KLF12: variants seen among roughly 807,000 people sequenced by gnomAD.
The protein encoded by KLF12 is Krueppel-like factor 12.
Under a neutral mutation model 37.8 loss-of-function variants are expected in KLF12, and 9 were observed. That is an observed-to-expected ratio of 0.24 (90% CI 0.14 to 0.42). KLF12 has a LOEUF of 0.42. Among genes scored for constraint, KLF12 ranks in the 10% least tolerant of loss-of-function variants. KLF12 has a pLI of 1.00. For synonymous variants in KLF12, 208 were observed against 202.1 expected (o/e 1.03, Z -0.25); for missense variants, 411 against 516.0 (o/e 0.80, Z 1.97).
At chr13:74,285,180 A>ATT in the KLF12 span, among the ~76,000 whole-genome samples, 3 of 144,896 alleles carry the variant, frequency 2.1e-5, no homozygotes, top group African/African-American at 5.0e-5. Context: ...GCCCTACCTG[A>ATT]TTTTTTTTTT....
chr13:73,877,612 A>C (rs923571023), intron 3 of KLF12, among the ~76,000 whole-genome samples: 4 of 152,206 alleles, frequency 2.6e-5, no homozygotes, highest in Non-Finnish European at 5.9e-5. Flanking sequence ...GTTGGCTGTC[A>C]GTCTACTGGT....
Position 74,003,641 on chromosome 13 carries a change from G to A in KLF12, c.-31-8588C>T, listed in dbSNP as rs184719978. Among the ~76,000 whole-genome samples the A allele has an allele frequency of 2.4e-3, 360 of 152,176 alleles. 2 individuals carry two copies. Among genetic ancestry groups the A allele is most frequent in the Admixed American group, 3.9e-3 (59 of 15,282 alleles). On this transcript the variant is annotated intron_variant, in intron 1 of 7. Coordinates refer to ENST00000377669, the MANE Select transcript of KLF12 (RefSeq NM_007249.5). ...CTAAGAATTATGTCATGTTCCACAC[G>A]ATTCTTGATATTTCTGACACTGCTG...
chr13:74,214,372 G>T, the KLF12 span, among the ~76,000 whole-genome samples: 2 of 151,812 alleles, frequency 1.3e-5, no homozygotes, highest in Admixed American at 6.6e-5. Context: ...CCTCTGTTCT[G>T]GCTTCCTTAT....
intron 2 of KLF12, among the ~76,000 whole-genome samples, chr13:73,976,882 A>T (rs1891540969): frequency 6.6e-6 from 1 of 152,132 alleles, no homozygotes; most frequent in Non-Finnish European, 1.5e-5. Flanking sequence ...TTAGAAACAC[A>T]AGGAGAAAGT....
intron 4 of KLF12, among the ~76,000 whole-genome samples, chr13:73,820,975 G>A (rs948461826): frequency 1.3e-5 from 2 of 152,182 alleles, no homozygotes; most frequent in Non-Finnish European, 2.9e-5. Context: ...TTCAGCCATG[G>A]TCATTTACTT....
intron 6 of KLF12, among the ~76,000 whole-genome samples, chr13:73,743,979 A>G (rs934896395): frequency 6.6e-6 from 1 of 152,202 alleles, no homozygotes; most frequent in African/African-American, 2.4e-5. Flanking sequence ...AAGTTTTGAG[A>G]AGTACTTGCA....
At chr13:73,865,698 T>G (rs1247704212) in intron 3 of KLF12, among the ~76,000 whole-genome samples, 1 of 152,068 alleles carries the variant, frequency 6.6e-6, no homozygotes, top group Admixed American at 6.6e-5. Flanking sequence ...AATTAAAAAT[T>G]TTTAGAGTTA....
At chr13:73,943,824 G>T (rs567714837) in intron 3 of KLF12, among the ~76,000 whole-genome samples, 157 bp downstream of exon 3, 1 of 152,230 alleles carries the variant, frequency 6.6e-6, no homozygotes, top group Non-Finnish European at 1.5e-5. Flanking sequence ...AATGGGTACA[G>T]ATCAACCACA....
intron 6 of KLF12, among the ~76,000 whole-genome samples, chr13:73,750,686 A>C (rs532946749): frequency 6.6e-6 from 1 of 152,312 alleles, no homozygotes; most frequent in African/African-American, 2.4e-5. Context: ...GGTTTGTTAC[A>C]TAGGTAAATG....
chr13:73,740,987 C>G (rs1301725724), intron 6 of KLF12, among the ~76,000 whole-genome samples: 1 of 152,162 alleles, frequency 6.6e-6, no homozygotes, highest in Non-Finnish European at 1.5e-5. Context: ...AAAAGCAAAA[C>G]AGAAGACACA....
At chr13:74,202,028 G>C in the KLF12 span, among the ~76,000 whole-genome samples, 2 of 151,502 alleles carry the variant, frequency 1.3e-5, no homozygotes, top group Non-Finnish European at 2.9e-5. Flanking sequence ...TCTGGTGTTA[G>C]TGAGTTTTAT....
At chr13:74,057,120 G>T (rs989473765) in intron 1 of KLF12, among the ~76,000 whole-genome samples, 2 of 152,132 alleles carry the variant, frequency 1.3e-5, no homozygotes, top group African/African-American at 4.8e-5. Context: ...TAAAAAACAT[G>T]GTCTAATATT....
At chr13:74,031,809 T>A (rs1247358115) in intron 1 of KLF12, among the ~76,000 whole-genome samples, 1 of 5,496 alleles carries the variant, frequency 1.8e-4, no homozygotes, top group Admixed American at 1.0e-3. Flanking sequence ...TGAAAAAAAA[T>A]GTGCTTCTCA....
At chr13:74,163,120 T>C in the KLF12 span, among the ~76,000 whole-genome samples, 1 of 152,194 alleles carries the variant, frequency 6.6e-6, no homozygotes, top group Admixed American at 6.5e-5. Flanking sequence ...GTTACCCCTG[T>C]ACGCTGTTGG....
intron 7 of KLF12, among the ~76,000 whole-genome samples, chr13:73,705,460 G>A (rs1018279879): frequency 2.0e-5 from 3 of 152,144 alleles, no homozygotes; most frequent in Admixed American, 6.5e-5. Flanking sequence ...TTTTAGTAGA[G>A]ATGGGTTTTG....
chr13:73,708,398 A>T (rs1011968639), intron 7 of KLF12, among the ~76,000 whole-genome samples: 1 of 152,156 alleles, frequency 6.6e-6, no homozygotes, highest in East Asian at 1.9e-4. Context: ...TGCAAAAAAA[A>T]TTTGATTTTA....
At chr13:73,854,740 T>C (rs759069599) in intron 3 of KLF12, among the ~76,000 whole-genome samples, 23 of 152,200 alleles carry the variant, frequency 1.5e-4, no homozygotes, top group Non-Finnish European at 3.1e-4. Flanking sequence ...TACTTTAAAT[T>C]ATCTCCACAT....
At chr13:74,147,021 G>T in the KLF12 span, among the ~76,000 whole-genome samples, 10 of 152,328 alleles carry the variant, frequency 6.6e-5, no homozygotes, top group South Asian at 2.1e-3. Context: ...GCCCGTGCAT[G>T]TCAGGTTTGG....
intron 3 of KLF12, among the ~76,000 whole-genome samples, chr13:73,888,195 G>C (rs1887328720): frequency 6.6e-6 from 1 of 151,982 alleles, no homozygotes. Flanking sequence ...GCAGAGACAG[G>C]GTTTCGCCAT....
Sources: gnomAD v4.1 joint callset for allele counts (sites outside exome capture counted in the v4.1 genomes callset) on GRCh38, gnomAD v4.1.1 for gene constraint, MANE v1.5 for transcripts, NCBI Gene and HGNC (gene_info 2026-07-23, HGNC 2026-07-21) for gene names.